The following CRPPA variants were observed in gnomAD, a reference collection of about 807,000 sequenced individuals.
CRPPA encodes the protein CDP-L-ribitol pyrophosphorylase A, also known as D-ribitol-5-phosphate cytidylyltransferase.
Under a neutral mutation model 52.0 loss-of-function variants are expected in CRPPA, and 43 were observed. That is an observed-to-expected ratio of 0.83 (90% CI 0.65 to 1.07). The LOEUF (loss-of-function observed/expected upper bound fraction) is 1.07, where lower values mean the gene tolerates loss of function less well. CRPPA is among the 50% of genes least tolerant of loss of function. CRPPA has a pLI of 0.00. For missense variants in CRPPA, 629 were observed against 551.7 expected (o/e 1.14, Z -1.40); for synonymous variants, 250 against 203.5 (o/e 1.23, Z -1.94).
intron 8 of CRPPA, among the ~76,000 whole-genome samples, chr7:16,257,437 T>G (rs983003326): frequency 6.6e-6 from 1 of 152,070 alleles, no homozygotes; most frequent in Non-Finnish European, 1.5e-5. Flanking sequence ...ATCAATTACA[T>G]AAGAAGCTTG....
At chr7:16,414,862 C>G (rs1255814017) in intron 1 of CRPPA, among the ~76,000 whole-genome samples, 3 of 152,134 alleles carry the variant, frequency 2.0e-5, no homozygotes, top group Middle Eastern at 3.2e-3. Flanking sequence ...GTGATCCTTC[C>G]TAGTAATAGC....
chr7:16,190,860 T>A (rs1438436484), intron 9 of CRPPA, among the ~76,000 whole-genome samples: 1 of 152,108 alleles, frequency 6.6e-6, no homozygotes, highest in African/African-American at 2.4e-5. Context: ...AGTGAAAACA[T>A]GACGTTTGGT....
intron 3 of CRPPA, among the ~76,000 whole-genome samples, chr7:16,360,847 A>G (rs1267225495): frequency 6.6e-6 from 1 of 152,222 alleles, no homozygotes; most frequent in African/African-American, 2.4e-5. Context: ...TAACACCAAA[A>G]GCATAGGCAA....
At chr7:16,418,923 T>C (rs1184242575) in intron 1 of CRPPA, among the ~76,000 whole-genome samples, 1 of 152,166 alleles carries the variant, frequency 6.6e-6, no homozygotes, top group African/African-American at 2.4e-5. Context: ...GAGAAAAGTT[T>C]AGTGTAAAAG....
intron 8 of CRPPA, among the ~76,000 whole-genome samples, chr7:16,220,913 G>C (rs914171538): frequency 6.6e-6 from 1 of 152,024 alleles, no homozygotes; most frequent in Non-Finnish European, 1.5e-5. Context: ...CAAGCTACCA[G>C]TGACTTTCTT....
At chr7:16,374,248 G>A (rs1786822602) in intron 3 of CRPPA, among the ~76,000 whole-genome samples, 1 of 152,256 alleles carries the variant, frequency 6.6e-6, no homozygotes, top group East Asian at 1.9e-4. Flanking sequence ...GGCTTGCTAA[G>A]TCTTCTGGCT....
chr7:16,099,397 A>AGGAAGGGGAG (rs1338303448), intron 9 of CRPPA, among the ~76,000 whole-genome samples: 1 of 113,820 alleles, frequency 8.8e-6, no homozygotes, highest in Non-Finnish European at 1.8e-5. Flanking sequence ...GGAGGGGAGA[A>AGGAAGGGGAG]GGAAGGGGAG....
intron 9 of CRPPA, among the ~76,000 whole-genome samples, chr7:16,132,853 C>G (rs1276785746): frequency 8.1e-6 from 1 of 124,208 alleles, no homozygotes; most frequent in African/African-American, 2.6e-5. Context: ...ATGCCCAAAT[C>G]TATTGTAAAA....
intron 3 of CRPPA, among the ~76,000 whole-genome samples, chr7:16,335,449 G>A (rs191175413): frequency 6.6e-6 from 1 of 152,058 alleles, no homozygotes; most frequent in African/African-American, 2.4e-5. Context: ...TGAGAAGTTT[G>A]ACAAAGAAAT....
At chr7:16,207,655 ACACT>A (rs1004438063) in intron 9 of CRPPA, among the ~76,000 whole-genome samples, 2 of 152,208 alleles carry the variant, frequency 1.3e-5, no homozygotes, top group African/African-American at 4.8e-5. Flanking sequence ...ACATTAGAAA[ACACT>A]CAGTTTTGCA....
intron 5 of CRPPA, 98 bp from the exon 6 acceptor site, chr7:16,278,324 A>T (rs748129567): frequency 1.5e-6 from 1 of 650,650 alleles, no homozygotes; most frequent in East Asian, 2.7e-5. Context: ...TTAGCTGTTG[A>T]CCAAGAATAG....
intron 2 of CRPPA, among the ~76,000 whole-genome samples, chr7:16,386,616 G>A (rs1473028323): frequency 1.3e-5 from 2 of 152,174 alleles, no homozygotes; most frequent in African/African-American, 4.8e-5. Flanking sequence ...GAGGTGGATA[G>A]GGATAAAGGT....
At chr7:16,250,904 T>C (rs1007549286) in intron 8 of CRPPA, among the ~76,000 whole-genome samples, 6 of 152,094 alleles carry the variant, frequency 3.9e-5, no homozygotes, top group African/African-American at 1.4e-4. Flanking sequence ...ATGGAATAAA[T>C]GTCCAATTTA....
At chr7:16,111,698 T>C (rs1369000451) in intron 9 of CRPPA, among the ~76,000 whole-genome samples, 1 of 152,180 alleles carries the variant, frequency 6.6e-6, no homozygotes, top group East Asian at 1.9e-4. Flanking sequence ...TCCTTACTTA[T>C]ATATGGAATC....
chr7:16,310,900 T>C (rs1410631721), intron 3 of CRPPA, among the ~76,000 whole-genome samples: 1 of 152,170 alleles, frequency 6.6e-6, no homozygotes, highest in African/African-American at 2.4e-5. Flanking sequence ...GGGGTAATGA[T>C]TTTAAACATA....
At chr7:16,284,854 C>G (rs972939855) in intron 5 of CRPPA, among the ~76,000 whole-genome samples, 2 of 152,058 alleles carry the variant, frequency 1.3e-5, no homozygotes, top group African/African-American at 4.8e-5. Flanking sequence ...ACAGTAATGA[C>G]TGTACTTGTA....
intron 6 of CRPPA, chr7:16,276,761 G>C (rs143225801): frequency 2.6e-5 from 4 of 152,284 alleles, no homozygotes; most frequent in African/African-American, 9.6e-5. Flanking sequence ...AATTGTTTAA[G>C]GGAGATAGTA....
intron 9 of CRPPA, among the ~76,000 whole-genome samples, chr7:16,096,290 C>A (rs1331008661): frequency 6.6e-6 from 1 of 150,430 alleles, no homozygotes; most frequent in Non-Finnish European, 1.5e-5. Flanking sequence ...AAAAAAAACA[C>A]CCATAATCAG....
chr7:16,279,738 G>T (rs921060265), intron 5 of CRPPA, among the ~76,000 whole-genome samples: 2 of 152,140 alleles, frequency 1.3e-5, no homozygotes, highest in Non-Finnish European at 2.9e-5. Context: ...CAATCAAAAT[G>T]ATAAGAAGGA....
Sources: gnomAD v4.1 joint callset for allele counts (sites outside exome capture counted in the v4.1 genomes callset) on GRCh38, gnomAD v4.1.1 for gene constraint, MANE v1.5 for transcripts, NCBI Gene and HGNC (gene_info 2026-07-23, HGNC 2026-07-21) for gene names.